WASF3: variants seen among roughly 807,000 people sequenced by gnomAD.
The protein encoded by WASF3 is actin-binding protein WASF3.
Under a neutral mutation model 46.6 loss-of-function variants are expected in WASF3, and 11 were observed. The observed-to-expected ratio is 0.24, with a 90% CI of 0.15 to 0.39. The LOEUF (loss-of-function observed/expected upper bound fraction) is 0.39, where lower values mean the gene tolerates loss of function less well. Ranked by LOEUF, WASF3 falls within the 10% of genes least tolerant of loss-of-function variation. The pLI, the probability that WASF3 is intolerant of heterozygous loss-of-function variation, is 1.00. For synonymous variants in WASF3, 242 were observed against 259.7 expected, an observed-to-expected ratio of 0.93 and a Z score of 0.65; for missense variants, 576 against 669.8, an observed-to-expected ratio of 0.86 and a Z score of 1.55.
At chr13:26,569,433 A>T (rs1352930804) in intron 1 of WASF3, among the ~76,000 whole-genome samples, 1 of 152,244 alleles carries the variant, frequency 6.6e-6, no homozygotes, top group Non-Finnish European at 1.5e-5. Flanking sequence ...AGGTAGCTAG[A>T]AAACCTTTTC....
chr13:26,550,755 C>T, the WASF3 span, among the ~76,000 whole-genome samples: 1 of 152,126 alleles, frequency 6.6e-6, no homozygotes, highest in Admixed American at 6.5e-5. Flanking sequence ...CTTCCCCACC[C>T]CAGCAAGGCC....
the WASF3 span, among the ~76,000 whole-genome samples, chr13:26,545,720 T>C: frequency 6.6e-6 from 1 of 152,212 alleles, no homozygotes; most frequent in Non-Finnish European, 1.5e-5. Flanking sequence ...TCCCCTTGCC[T>C]CAGCCTCCTG....
chr13:26,578,269 C>T (rs1879862360), intron 1 of WASF3, among the ~76,000 whole-genome samples: 1 of 152,114 alleles, frequency 6.6e-6, no homozygotes, highest in African/African-American at 2.4e-5. Context: ...TAGTTGTTTT[C>T]TTGTAGACGA....
In WASF3 at chr13:26,682,732, C is replaced by T. The variant is rs147802301; in HGVS notation, c.1109C>T (p.Pro370Leu). The change falls in exon 9 of 10, where the codon CCG becomes CTG. Residue 370 changes from proline to leucine, a missense_variant. Transcript: ENST00000335327. The surrounding 1 kb of genome is among the most constrained non-coding windows in gnomAD (Gnocchi z 4.4). ...VSPLQMPMQP[P>L]FPASASSTHA... ...CCTCTCCAGATGCCCATGCAGCCCC[C>T]GTTCCCTGCATCAGCCAGCTCCACG... 9.3e-6 allele frequency: 15 copies of T among 1,613,936 alleles called. No homozygotes were observed. The highest frequency in any genetic ancestry group is 4.0e-5 in the African/African-American group (3 of 75,040).
At chr13:26,575,300 A>T in intron 1 of WASF3, among the ~76,000 whole-genome samples, 1 of 151,378 alleles carries the variant, frequency 6.6e-6, no homozygotes, top group African/African-American at 2.4e-5. Context: ...TTGCATTTTC[A>T]AATCTTTTCA....
intron 6 of WASF3, among the ~76,000 whole-genome samples, chr13:26,674,243 A>G (rs1324710026): frequency 1.3e-5 from 2 of 152,162 alleles, no homozygotes; most frequent in African/African-American, 2.4e-5. Context: ...TCATCCCTGA[A>G]TTTGTCAGCA....
At chr13:26,592,439 T>C (rs925191660) in intron 1 of WASF3, among the ~76,000 whole-genome samples, 2 of 152,196 alleles carry the variant, frequency 1.3e-5, no homozygotes, top group African/African-American at 2.4e-5. Flanking sequence ...TTCTGGAGGC[T>C]ATGAAGTCCA....
chr13:26,598,152 G>A (rs551638765), intron 1 of WASF3, among the ~76,000 whole-genome samples: 34 of 152,210 alleles, frequency 2.2e-4, no homozygotes, highest in African/African-American at 7.5e-4. Flanking sequence ...TCTAATGATC[G>A]CCATTCTAAC....
intron 2 of WASF3, among the ~76,000 whole-genome samples, chr13:26,632,603 A>G (rs1039647980): frequency 1.3e-4 from 20 of 152,252 alleles, no homozygotes; most frequent in Non-Finnish European, 2.6e-4. Flanking sequence ...TTCACATTGA[A>G]GTTCATCAGG....
intron 3 of WASF3, among the ~76,000 whole-genome samples, chr13:26,655,921 A>G (rs754341122): frequency 6.6e-6 from 1 of 152,132 alleles, no homozygotes; most frequent in African/African-American, 2.4e-5. Context: ...ACAGCAATAC[A>G]TTCTAGGTTC....
chr13:26,649,243 G>A (rs543461433), intron 3 of WASF3, among the ~76,000 whole-genome samples: 14 of 152,154 alleles, frequency 9.2e-5, no homozygotes, highest in South Asian at 2.1e-4. Context: ...TTTTACGTAC[G>A]TTGTCTGGCA....
intron 1 of WASF3, among the ~76,000 whole-genome samples, chr13:26,610,696 C>T (rs1199921833): frequency 1.3e-5 from 2 of 152,152 alleles, no homozygotes; most frequent in African/African-American, 4.8e-5. Flanking sequence ...CACAGGAGAG[C>T]ACTGTCAGCA....
intron 1 of WASF3, among the ~76,000 whole-genome samples, chr13:26,592,222 G>A (rs565182689): frequency 9.9e-5 from 15 of 152,210 alleles, no homozygotes; most frequent in African/African-American, 3.6e-4. Context: ...TTTTTAAGAA[G>A]CATGTGATTA....
At chr13:26,549,009 G>A in the WASF3 span, among the ~76,000 whole-genome samples, 1 of 148,160 alleles carries the variant, frequency 6.7e-6, no homozygotes, top group Non-Finnish European at 1.5e-5. Flanking sequence ...TTTAGATGGA[G>A]TCTTGCTTTG....
intron 1 of WASF3, among the ~76,000 whole-genome samples, chr13:26,603,852 G>A (rs978530645): frequency 6.6e-6 from 1 of 152,208 alleles, no homozygotes; most frequent in Non-Finnish European, 1.5e-5. Context: ...GTGATTCATA[G>A]GTGGCATGAT....
intron 3 of WASF3, among the ~76,000 whole-genome samples, chr13:26,645,575 C>T (rs1351663077): frequency 1.3e-5 from 2 of 151,922 alleles, no homozygotes; most frequent in African/African-American, 4.8e-5. Flanking sequence ...TATCAGCAGC[C>T]TAAAGTAGTA....
intron 1 of WASF3, among the ~76,000 whole-genome samples, chr13:26,586,521 A>C (rs144968175): frequency 1.6e-4 from 24 of 152,284 alleles, no homozygotes; most frequent in African/African-American, 5.3e-4. Context: ...TAATTATTGA[A>C]GCTATATAAT....
intron 3 of WASF3, 126 bp from the exon 4 acceptor site, chr13:26,664,902 C>CTT: frequency 1.0e-6 from 1 of 980,092 alleles, no homozygotes. Context: ...GACTGTGACA[C>CTT]TTTATTTTCA....
chr13:26,602,128 C>G (rs1008184208), intron 1 of WASF3, among the ~76,000 whole-genome samples: 3 of 152,188 alleles, frequency 2.0e-5, no homozygotes, highest in African/African-American at 4.8e-5. Flanking sequence ...ACAGTACTAA[C>G]TCTTCCAAGG....
Sources: allele counts gnomAD v4.1 joint callset (sites outside exome capture counted in the v4.1 genomes callset), GRCh38; gene constraint gnomAD v4.1.1; non-coding constraint Gnocchi (gnomAD v3.1); transcripts MANE v1.5; gene names NCBI Gene and HGNC (gene_info 2026-07-23, HGNC 2026-07-21).